The following DMC1 variants were observed in gnomAD, a reference collection of about 807,000 sequenced individuals.
DMC1 encodes meiotic recombination protein DMC1 homolog.
In DMC1, 27 loss-of-function variants were observed where a neutral mutation model predicts 50.1. The observed-to-expected ratio is 0.54, with a 90% CI of 0.40 to 0.74. DMC1 has a LOEUF of 0.74. DMC1 is among the 30% of genes least tolerant of loss of function. The pLI, the probability that DMC1 is intolerant of heterozygous loss-of-function variation, is 0.00. For synonymous variants in DMC1, 148 were observed against 136.1 expected, an observed-to-expected ratio of 1.09 and a Z score of -0.61; for missense variants, 295 against 420.2, an observed-to-expected ratio of 0.70 and a Z score of 2.60.
At chr22:38,550,295 T>C (rs2090389238) in intron 7 of DMC1, among the ~76,000 whole-genome samples, 1 of 151,660 alleles carries the variant, frequency 6.6e-6, no homozygotes, top group Admixed American at 6.6e-5. Flanking sequence ...ATTACTAATT[T>C]TCTTTCTTTT....
chr22:38,541,528 G>C (rs1159314695), intron 8 of DMC1, among the ~76,000 whole-genome samples: 1 of 152,146 alleles, frequency 6.6e-6, no homozygotes, highest in Non-Finnish European at 1.5e-5. Flanking sequence ...CTGACTTCAA[G>C]TGTTCCACCC....
chr22:38,559,308 G>T (rs1441966451), intron 5 of DMC1, among the ~76,000 whole-genome samples: 2 of 152,128 alleles, frequency 1.3e-5, no homozygotes, highest in Admixed American at 6.6e-5. Context: ...TGGGATTAAA[G>T]GTGTGAGCCA....
At chr22:38,553,814 C>T (rs1425389776) in intron 6 of DMC1, among the ~76,000 whole-genome samples, 1 of 151,764 alleles carries the variant, frequency 6.6e-6, no homozygotes, top group African/African-American at 2.4e-5. Context: ...AAAAAATTAG[C>T]TGGGTGTGGT....
chr22:38,512,683 C>A, the DMC1 span, among the ~76,000 whole-genome samples: 2 of 152,202 alleles, frequency 1.3e-5, no homozygotes, highest in South Asian at 2.1e-4. Flanking sequence ...TTTCTCCAGT[C>A]CCTGAAGGCG....
chr22:38,536,119 G>C (rs1455397919), intron 12 of DMC1, among the ~76,000 whole-genome samples: 2 of 151,714 alleles, frequency 1.3e-5, no homozygotes, highest in African/African-American at 4.8e-5. Flanking sequence ...GGGAGGCTGA[G>C]GCTGGAGCAT....
intron 12 of DMC1, among the ~76,000 whole-genome samples, chr22:38,528,644 C>G (rs1292082776): frequency 6.6e-6 from 1 of 151,818 alleles, no homozygotes; most frequent in Non-Finnish European, 1.5e-5. Context: ...AAAATTAACC[C>G]GGTGTGGTGG....
intron 8 of DMC1, among the ~76,000 whole-genome samples, chr22:38,547,153 C>T (rs1422730985): frequency 6.6e-6 from 1 of 151,770 alleles, no homozygotes; most frequent in Non-Finnish European, 1.5e-5. Flanking sequence ...CCTCCTGCCT[C>T]AGCCTTCCAA....
At chr22:38,526,736 AT>A (rs1461058958) in intron 12 of DMC1, among the ~76,000 whole-genome samples, 9 of 151,868 alleles carry the variant, frequency 5.9e-5, no homozygotes, top group Admixed American at 1.3e-4. Context: ...TAAGTCATCA[AT>A]TTTTTTTCCC....
chr22:38,541,781 A>G (rs1283353958), intron 8 of DMC1, among the ~76,000 whole-genome samples: 1 of 152,054 alleles, frequency 6.6e-6, no homozygotes, highest in African/African-American at 2.4e-5. Context: ...TCTGGGAACA[A>G]TGTGACCGCG....
intron 12 of DMC1, among the ~76,000 whole-genome samples, chr22:38,533,416 AG>A (rs2090176789): frequency 1.3e-5 from 2 of 151,358 alleles, no homozygotes; most frequent in African/African-American, 2.4e-5. Context: ...AAAAAAAAAA[AG>A]AGTCTTGAAA....
intron 6 of DMC1, among the ~76,000 whole-genome samples, 164 bp from the exon 7 acceptor site, chr22:38,552,871 ACAGAGT>A (rs1407998462): frequency 5.3e-5 from 8 of 150,898 alleles, no homozygotes; most frequent in African/African-American, 1.9e-4. Context: ...TTTTTTTGAG[ACAGAGT>A]CTTGCTCTCA....
intron 7 of DMC1, among the ~76,000 whole-genome samples, chr22:38,551,581 T>C (rs899503314): frequency 2.0e-5 from 3 of 151,984 alleles, no homozygotes; most frequent in East Asian, 1.9e-4. Context: ...CCTCCTGCCT[T>C]GGCCTCCCAA....
chr22:38,528,611 C>A (rs775213123), intron 12 of DMC1, among the ~76,000 whole-genome samples: 13 of 151,694 alleles, frequency 8.6e-5, no homozygotes, highest in African/African-American at 3.1e-4. Context: ...CAGGGTGAAA[C>A]CCTATCTGTA....
chr22:38,551,998 C>T (rs1270513022), intron 7 of DMC1, among the ~76,000 whole-genome samples: 3 of 151,710 alleles, frequency 2.0e-5, no homozygotes, highest in Non-Finnish European at 2.9e-5. Context: ...GCAGCTGGGA[C>T]TACAGGCGCC....
At chr22:38,568,348 C>A (rs931850505) in intron 1 of DMC1, 59 bp from the exon 2 acceptor site, 1 of 1,289,908 alleles carries the variant, frequency 7.8e-7, no homozygotes, top group African/African-American at 1.5e-5. Flanking sequence ...CCTCTGATTT[C>A]ATTTCAAAGT....
chr22:38,563,878 T>C (rs1390027967), intron 4 of DMC1, among the ~76,000 whole-genome samples: 1 of 152,010 alleles, frequency 6.6e-6, no homozygotes, highest in Non-Finnish European at 1.5e-5. Context: ...ATTTTTGTAT[T>C]TTTAGTAGAG....
In DMC1 at chr22:38,568,289, T is replaced by C. The variant is rs374859170; in HGVS notation, c.-33A>G. 6.8e-6 allele frequency: 11 copies of C among 1,607,996 alleles called. No individual in the cohort carries two copies. In the African/African-American group the frequency reaches 1.3e-4, roughly 20 times the overall value. On this transcript the variant is annotated splice_region_variant and 5_prime_UTR_variant, in exon 2 of 14. Transcript: ENST00000216024. ...AGTGGGCAACAGAAAAATAATCACT[T>C]CTGGGAAAATAAGAAATATTATGTA...
At chr22:38,546,823 C>G (rs1011799097) in intron 8 of DMC1, among the ~76,000 whole-genome samples, 4 of 152,084 alleles carry the variant, frequency 2.6e-5, no homozygotes, top group African/African-American at 9.7e-5. Flanking sequence ...TAGAAATATA[C>G]CATGCAAAGT....
chr22:38,561,579 G>C (rs977045127), intron 5 of DMC1, among the ~76,000 whole-genome samples: 5 of 152,122 alleles, frequency 3.3e-5, no homozygotes, highest in Non-Finnish European at 5.9e-5. Flanking sequence ...GCAGATTTGG[G>C]GCAAAGGTCA....
Sources: allele counts gnomAD v4.1 joint callset (sites outside exome capture counted in the v4.1 genomes callset), GRCh38; gene constraint gnomAD v4.1.1; transcripts MANE v1.5; gene names NCBI Gene and HGNC (gene_info 2026-07-23, HGNC 2026-07-21).